The following CPEB3 variants were observed in gnomAD, a reference collection of about 807,000 sequenced individuals.
CPEB3 encodes cytoplasmic polyadenylation element binding protein 3, also known as cytoplasmic polyadenylation element-binding protein 3.
CPEB3 carries 20 observed loss-of-function variants against 67.2 expected under a neutral mutation model. That is an observed-to-expected ratio of 0.30 (90% CI 0.21 to 0.43). The LOEUF (loss-of-function observed/expected upper bound fraction) is 0.43, where lower values mean the gene tolerates loss of function less well. Ranked by LOEUF, CPEB3 falls within the 20% of genes least tolerant of loss-of-function variation. The pLI, the probability that CPEB3 is intolerant of heterozygous loss-of-function variation, is 1.00. For synonymous variants in CPEB3, 376 were observed against 393.1 expected, an observed-to-expected ratio of 0.96 and a Z score of 0.51; for missense variants, 746 against 968.6, an observed-to-expected ratio of 0.77 and a Z score of 3.05.
At chr10:92,244,358 CTAA>C (rs1028134767) in intron 1 of CPEB3, among the ~76,000 whole-genome samples, 1 of 151,446 alleles carries the variant, frequency 6.6e-6, no homozygotes, top group Admixed American at 6.6e-5. Context: ...AAAAAAAAAA[CTAA>C]TAATAATAAC....
intron 5 of CPEB3, among the ~76,000 whole-genome samples, chr10:92,144,137 A>T (rs891718151): frequency 1.5e-4 from 23 of 152,242 alleles, no homozygotes; most frequent in African/African-American, 5.3e-4. Flanking sequence ...TGCTAAAATA[A>T]ACTGGCTTTA....
chr10:92,216,337 C>T, intron 2 of CPEB3: 1 of 1,602,312 alleles, frequency 6.2e-7, no homozygotes, highest in South Asian at 1.1e-5. Flanking sequence ...CTGCGATGAC[C>T]AAAATAAAGG....
chr10:92,193,619 T>TA (rs1378889404), intron 2 of CPEB3, among the ~76,000 whole-genome samples: 5 of 151,644 alleles, frequency 3.3e-5, no homozygotes, highest in South Asian at 2.1e-4. Flanking sequence ...CCCAGCTAAT[T>TA]AAAAAAAATT....
chr10:92,139,343 C>G (rs1415457305), intron 6 of CPEB3, among the ~76,000 whole-genome samples: 3 of 149,504 alleles, frequency 2.0e-5, no homozygotes, highest in Admixed American at 2.0e-4. Flanking sequence ...GAGTAGTATT[C>G]AGCCACGAAA....
At chr10:92,267,434 C>A (rs1853108775) in intron 1 of CPEB3, among the ~76,000 whole-genome samples, 1 of 152,146 alleles carries the variant, frequency 6.6e-6, no homozygotes, top group Non-Finnish European at 1.5e-5. Context: ...GAAAGCAACA[C>A]AAGATGAGGT....
intron 2 of CPEB3, among the ~76,000 whole-genome samples, chr10:92,201,981 T>C (rs538635247): frequency 6.6e-6 from 1 of 152,288 alleles, no homozygotes; most frequent in East Asian, 1.9e-4. Flanking sequence ...CAACAGACAT[T>C]CAGTAAATGC....
In CPEB3 at chr10:92,049,415, T is replaced by C. The variant is rs1852208830; in HGVS notation, c.*2797A>G. ...AACACCTCTGTGTTTTAAAAAATAATTTTTTTGAAGGACCCTCTCTTTTAA... is the reference window on the plus strand; with the variant it reads ...AACACCTCTGTGTTTTAAAAAATAACTTTTTTGAAGGACCCTCTCTTTTAA... On this transcript the variant is annotated 3_prime_UTR_variant, in exon 10 of 10. Transcript: ENST00000265997. 1 of 152,440 alleles carries C rather than the reference T, an allele frequency of 6.6e-6. No individual in the cohort carries two copies. Among genetic ancestry groups the C allele is most frequent in the African/African-American group, 2.4e-5 (1 of 41,444 alleles). The allele number at this position is 152,440 out of a possible 1,614,324, so 9.4% of individuals were successfully genotyped here.
intron 9 of CPEB3, among the ~76,000 whole-genome samples, chr10:92,079,616 A>C (rs1843061317): frequency 6.6e-6 from 1 of 152,236 alleles, no homozygotes; most frequent in African/African-American, 2.4e-5. Flanking sequence ...AGCTCAGTGA[A>C]GTAGCAAATA....
intron 9 of CPEB3, among the ~76,000 whole-genome samples, chr10:92,064,745 A>G (rs1842482849): frequency 6.6e-6 from 1 of 152,170 alleles, no homozygotes; most frequent in African/African-American, 2.4e-5. Context: ...GACATCTATA[A>G]TATGGCCATA....
At chr10:92,053,228 T>A (rs1437495120) in intron 9 of CPEB3, among the ~76,000 whole-genome samples, 3 of 152,356 alleles carry the variant, frequency 2.0e-5, no homozygotes, top group African/African-American at 7.2e-5. Flanking sequence ...CATAGCCCTT[T>A]AGGGAACCTT....
intron 2 of CPEB3, among the ~76,000 whole-genome samples, chr10:92,197,009 T>C (rs976800313): frequency 1.3e-5 from 2 of 152,076 alleles, no homozygotes; most frequent in Non-Finnish European, 2.9e-5. Context: ...TAGGCATCTG[T>C]ACCATGGTGG....
At chr10:92,236,097 CCT>C (rs1376770265) in intron 2 of CPEB3, among the ~76,000 whole-genome samples, 1 of 152,154 alleles carries the variant, frequency 6.6e-6, no homozygotes, top group Non-Finnish European at 1.5e-5. Context: ...CAGTGGAGTG[CCT>C]CTCTGTTCTT....
chr10:92,067,640 G>C (rs1276485398), intron 9 of CPEB3, among the ~76,000 whole-genome samples: 1 of 152,040 alleles, frequency 6.6e-6, no homozygotes, highest in African/African-American at 2.4e-5. Context: ...CCAACACGGA[G>C]AAACCCCGTC....
At chr10:92,282,925 T>G (rs1842359652) in intron 1 of CPEB3, among the ~76,000 whole-genome samples, 2 of 152,144 alleles carry the variant, frequency 1.3e-5, no homozygotes, top group African/African-American at 4.8e-5. Flanking sequence ...TATTTCTGTT[T>G]CCAACCCACC....
At chr10:92,115,064 G>A (rs1844941282) in intron 6 of CPEB3, among the ~76,000 whole-genome samples, 1 of 152,230 alleles carries the variant, frequency 6.6e-6, no homozygotes, top group South Asian at 2.1e-4. Flanking sequence ...GGGCGCGGGG[G>A]ACGTCAGCGC....
chr10:92,103,699 G>A (rs1441961256), intron 7 of CPEB3, among the ~76,000 whole-genome samples: 1 of 152,158 alleles, frequency 6.6e-6, no homozygotes, highest in Non-Finnish European at 1.5e-5. Context: ...GACATTTGTT[G>A]GACCTACTAA....
chr10:92,180,085 AT>A (rs1274996683), intron 4 of CPEB3, among the ~76,000 whole-genome samples: 1 of 152,206 alleles, frequency 6.6e-6, no homozygotes, highest in East Asian at 1.9e-4. Flanking sequence ...AACAATTTCC[AT>A]TTAGAGACTG....
At chr10:92,181,367 C>CAAAAAAAAAA (rs55896574) in intron 3 of CPEB3, among the ~76,000 whole-genome samples, 2 of 95,428 alleles carry the variant, frequency 2.1e-5, no homozygotes. Flanking sequence ...ATTCAAGCAG[C>CAAAAAAAAAA]AAAAAAAAAA....
At chr10:92,178,491 A>C (rs1215125827) in intron 4 of CPEB3, among the ~76,000 whole-genome samples, 1 of 152,104 alleles carries the variant, frequency 6.6e-6, no homozygotes, top group Non-Finnish European at 1.5e-5. Context: ...GGTTGACAGA[A>C]AGGAAGAAGG....
Sources: allele counts gnomAD v4.1 joint callset (sites outside exome capture counted in the v4.1 genomes callset), GRCh38; gene constraint gnomAD v4.1.1; transcripts MANE v1.5; gene names NCBI Gene and HGNC (gene_info 2026-07-23, HGNC 2026-07-21).